APC: variants seen among roughly 807,000 people sequenced by gnomAD.
APC encodes the protein adenomatous polyposis coli protein.
In APC, 72 loss-of-function variants were observed where a neutral mutation model predicts 247.0. The ratio of observed to expected loss-of-function variants is 0.29; its 90% CI spans 0.24 to 0.35. The LOEUF (loss-of-function observed/expected upper bound fraction) is 0.35. Ranked by LOEUF, APC falls within the 10% of genes least tolerant of loss-of-function variation. APC has a pLI of 1.00. For missense variants in APC, 3,400 were observed against 3,360.7 expected (o/e 1.01, Z -0.29); for synonymous variants, 1,254 against 1,162.5 (o/e 1.08, Z -1.60).
rs2149893771 is a variant in APC, at chr5:112,839,124, T to C, written c.3530T>C (p.Ile1177Thr). ...GAGAAACGTCATGTGGATCAGCCTATTGATTATAGTTTAAAATATGCCACA... is the reference window on the plus strand; with the variant it reads ...GAGAAACGTCATGTGGATCAGCCTACTGATTATAGTTTAAAATATGCCACA... Reference protein sequence around the residue: ...NEEKRHVDQPIDYSLKYATDI... With the variant: ...NEEKRHVDQPTDYSLKYATDI... The change falls in exon 16 of 16, where the codon ATT (isoleucine) becomes ACT (threonine). Residue 1177 changes from isoleucine (I) to threonine (T), a missense_variant. By Grantham distance (89) the Ile-to-Thr change is moderately conservative (BLOSUM62 -1). Coordinates refer to ENST00000257430, the MANE Select transcript of APC (RefSeq NM_000038.6). The surrounding 1 kb of genome is among the most constrained non-coding windows in gnomAD (Gnocchi z 5.0). 1 of 1,614,074 alleles carries C rather than the reference T, an allele frequency of 6.2e-7. No individual in the cohort carries two copies. Among genetic ancestry groups the C allele is most frequent in the Non-Finnish European group, 8.5e-7 (1 of 1,180,016 alleles).
chr5:112,796,190 A>G (rs571204667), intron 7 of APC, among the ~76,000 whole-genome samples: 21 of 152,230 alleles, frequency 1.4e-4, no homozygotes, highest in Non-Finnish European at 2.6e-4. Context: ...TTAGAATTTC[A>G]TAGTCAAAGT....
chr5:112,720,129 G>A (rs923603125), intron 1 of APC, among the ~76,000 whole-genome samples: 1 of 152,070 alleles, frequency 6.6e-6, no homozygotes, highest in Non-Finnish European at 1.5e-5. Context: ...TAAAAATTTA[G>A]TATAACATAC....
intron 5 of APC, among the ~76,000 whole-genome samples, chr5:112,780,089 G>T (rs1409821938): frequency 4.6e-5 from 7 of 152,016 alleles, no homozygotes; most frequent in Non-Finnish European, 1.0e-4. Context: ...TTAAAATCCT[G>T]TTGCATGCTT....
At chr5:112,735,500 C>CATATATATATATAT (rs3884086), upstream of APC, among the ~76,000 whole-genome samples, 28 of 146,644 alleles carry the variant, frequency 1.9e-4, no homozygotes, top group East Asian at 1.2e-3. Flanking sequence ...TTAATGCATA[C>CATATATATATATAT]ATATATATAT....
chr5:112,820,856 A>G (rs1469192593), intron 10 of APC, among the ~76,000 whole-genome samples: 1 of 151,998 alleles, frequency 6.6e-6, no homozygotes. Context: ...ACATAGCCAC[A>G]TGCTTTTTTT....
intron 8 of APC, among the ~76,000 whole-genome samples, chr5:112,814,876 T>C (rs78475283): frequency 0.011 from 1,653 of 152,322 alleles, 29 homozygotes; most frequent in African/African-American, 0.037. Context: ...CCTCCGTCAG[T>C]CTCCTGTCAC....
chr5:112,721,061 G>A (rs1191736718), intron 1 of APC, among the ~76,000 whole-genome samples: 1 of 152,166 alleles, frequency 6.6e-6, no homozygotes, highest in Non-Finnish European at 1.5e-5. Flanking sequence ...TAAGGTGAGG[G>A]AATGTTGAAT....
chr5:112,776,838 C>G (rs1276837232), intron 5 of APC, among the ~76,000 whole-genome samples: 1 of 151,472 alleles, frequency 6.6e-6, no homozygotes, highest in South Asian at 2.1e-4. Flanking sequence ...GAGCAAGACT[C>G]CATCTCAAAA....
At chr5:112,803,518 T>A (rs1325200060) in intron 8 of APC, among the ~76,000 whole-genome samples, 1 of 152,170 alleles carries the variant, frequency 6.6e-6, no homozygotes, top group Non-Finnish European at 1.5e-5. Context: ...TCCTCTTTAG[T>A]AAAATAAGAT....
intron 14 of APC, among the ~76,000 whole-genome samples, chr5:112,831,110 T>A (rs1307441198): frequency 6.6e-6 from 1 of 151,730 alleles, no homozygotes; most frequent in Admixed American, 6.6e-5. Context: ...AACTCTTCTA[T>A]AAATTTTTTT....
rs146695342 is a variant in APC, at chr5:112,842,154, G to A, written c.6560G>A (p.Gly2187Glu). Reference protein sequence around the residue: ...ETKKIESESKGIKGGKKVYKS... With the variant: ...ETKKIESESKEIKGGKKVYKS... ...AAAAAGATAGAATCTGAAAGTAAAG[G>A]AATCAAAGGAGGAAAAAAAGTTTAT... is the stretch of plus-strand genomic sequence containing the variant. Residue 2187 changes from glycine to glutamate, a missense_variant, in exon 16 of 16, where the codon GGA (glycine) becomes GAA (glutamate). By Grantham distance (98) the Gly-to-Glu change is moderately conservative. This residue lies in a region of APC where 1,788 missense variants were observed against 1,649.5 expected (regional missense o/e 1.08). Transcript: ENST00000257430. The A allele has an allele frequency of 3.7e-6, 6 of 1,612,126 alleles. No homozygotes were observed. The African/African-American group carries it at 4.0e-5, about 11-fold the overall frequency.
intron 2 of APC, among the ~76,000 whole-genome samples, chr5:112,765,477 G>A (rs1014253238): frequency 3.9e-5 from 6 of 152,110 alleles, no homozygotes; most frequent in Non-Finnish European, 8.8e-5. Context: ...CTTTTTGACA[G>A]GTTTTCCTTT....
Position 112,842,264 on chromosome 5 carries a change from A to G in APC, c.6670A>G (p.Ile2224Val), listed in dbSNP as rs374597207. 20 of 1,613,940 alleles carry G rather than the reference A, an allele frequency of 1.2e-5. No individual in the cohort carries two copies. Among genetic ancestry groups the G allele is most frequent in the East Asian group, 6.7e-5 (3 of 44,892 alleles). Residue 2224 changes from isoleucine (I) to valine (V), a missense_variant, in exon 16 of 16, where the codon ATC (isoleucine) becomes GTC (valine). By Grantham distance (29) the Ile-to-Val change is conservative. Around this residue, in one of 9 missense-constraint regions of APC, gnomAD observed 1,788 missense variants for 1,649.5 expected, o/e 1.08. Coordinates refer to ENST00000257430, the MANE Select transcript of APC (RefSeq NM_000038.6). Reference sequence around the variant, plus strand: ...GCCCCTTCAAGCAAACATGCCTTCAATCTCTCGAGGCAGGACAATGATTCA... The same window carrying G: ...GCCCCTTCAAGCAAACATGCCTTCAGTCTCTCGAGGCAGGACAATGATTCA... ...KQPLQANMPS[I>V]SRGRTMIHIP...
chr5:112,772,371 A>C (rs1757152401), intron 4 of APC, among the ~76,000 whole-genome samples: 1 of 152,126 alleles, frequency 6.6e-6, no homozygotes, highest in African/African-American at 2.4e-5. Flanking sequence ...AAGACACTAT[A>C]ACCTTGGCTT....
upstream of APC, among the ~76,000 whole-genome samples, chr5:112,735,500 C>CATATATATATATATATAT (rs3884086): frequency 1.4e-5 from 2 of 146,600 alleles, no homozygotes; most frequent in South Asian, 2.1e-4. Context: ...TTAATGCATA[C>CATATATATATATATATAT]ATATATATAT....
At chr5:112,774,965 G>C (rs558363280) in intron 4 of APC, among the ~76,000 whole-genome samples, 1 of 152,298 alleles carries the variant, frequency 6.6e-6, no homozygotes, top group Admixed American at 6.5e-5. Context: ...CGTGAAAAGA[G>C]ATAAATTATA....
upstream of APC, among the ~76,000 whole-genome samples, chr5:112,734,778 T>C (rs1752280638): frequency 8.9e-6 from 1 of 112,400 alleles, no homozygotes; most frequent in Non-Finnish European, 1.6e-5. Context: ...AGGGTTTTCT[T>C]GTGTGTGTGT....
intron 2 of APC, among the ~76,000 whole-genome samples, chr5:112,758,467 C>T (rs796725677): frequency 1.2e-4 from 18 of 152,298 alleles, no homozygotes; most frequent in African/African-American, 2.9e-4. Context: ...GCTGGGACTA[C>T]GGGTGTGCAC....
Position 112,843,232 on chromosome 5 carries a change from C to T in APC, c.7638C>T (p.Thr2546=), listed in dbSNP as rs1320719611. The T allele has an allele frequency of 3.1e-6, 5 of 1,613,902 alleles. No individual in the cohort carries two copies. The highest frequency in any genetic ancestry group is 4.2e-6 in the Non-Finnish European group (5 of 1,179,844). The change falls in exon 16 of 16, where the codon ACC becomes ACT. Residue 2546 remains threonine (T), a synonymous_variant. Coordinates refer to ENST00000257430, the MANE Select transcript of APC (RefSeq NM_000038.6). This position sits in a 1 kb window ranked among gnomAD's most constrained non-coding sequence, Gnocchi z 4.8. The stretch of plus-strand genomic sequence containing the variant: ...GACTTCCAATCAATAGGTCAGGAAC[C>T]TGGAAACGTGAGCACAGCAAACATT... The part of the protein sequence containing the change: ...PSRLPINRSG[T]WKREHSKHSS...
Sources: allele counts gnomAD v4.1 joint callset (sites outside exome capture counted in the v4.1 genomes callset), GRCh38; gene constraint gnomAD v4.1.1; regional missense constraint gnomAD v4.1.1; non-coding constraint Gnocchi (gnomAD v3.1); transcripts MANE v1.5; gene names NCBI Gene and HGNC (gene_info 2026-07-23, HGNC 2026-07-21).